The following STARD9 variants were observed in gnomAD, a reference collection of about 807,000 sequenced individuals.
STARD9 encodes StAR related lipid transfer domain containing 9.
A neutral mutation model predicts 399.8 loss-of-function variants in STARD9; 346 were observed. The ratio of observed to expected loss-of-function variants is 0.87; its 90% CI spans 0.79 to 0.95. The LOEUF is 0.95. STARD9 is among the 40% of genes least tolerant of loss of function. STARD9 has a pLI of 0.00. For missense variants in STARD9, 5,832 were observed against 5,667.5 expected (o/e 1.03, Z -0.93); for synonymous variants, 2,203 against 2,143.5 (o/e 1.03, Z -0.77).
Position 42,686,795 on chromosome 15 carries a change from G to A in STARD9, c.5217G>A (p.Leu1739=), listed in dbSNP as rs1394158780. The part of the protein sequence containing the change: ...SAPWNPLSSS[L]QPPLLETFYV... ...CCTGGAATCCATTGTCATCTTCCCT[G>A]CAGCCCCCACTCTTGGAAACATTCT... is the stretch of plus-strand genomic sequence containing the variant. Residue 1739 remains leucine, a synonymous_variant, in exon 23 of 33, where the codon CTG becomes CTA. Transcript: ENST00000290607. 3 of 1,537,194 alleles carry A rather than the reference G, an allele frequency of 2.0e-6. No individual in the cohort carries two copies. The highest frequency in any genetic ancestry group is 2.0e-5 in the Admixed American group (1 of 50,986).
chr15:42,586,108 AT>A (rs2058272598), intron 3 of STARD9, among the ~76,000 whole-genome samples: 1 of 152,238 alleles, frequency 6.6e-6, no homozygotes, highest in African/African-American at 2.4e-5. Context: ...GCTAGTGTCC[AT>A]TTAGGCTTGA....
intron 26 of STARD9, 49 bp downstream of exon 26, chr15:42,695,929 C>G: frequency 6.6e-7 from 1 of 1,514,886 alleles, no homozygotes; most frequent in Non-Finnish European, 8.8e-7. Flanking sequence ...ACTGCCAAGG[C>G]AAGAGTTTGA....
At position 42,685,052 on chromosome 15, in the gene STARD9, C is replaced by A; in HGVS notation, c.3474C>A (p.Ser1158Arg). 6.5e-7 allele frequency: 1 copy of A among 1,537,190 alleles called. No homozygotes were observed. Among genetic ancestry groups the A allele is most frequent in the Non-Finnish European group, 8.7e-7 (1 of 1,146,938 alleles). The change falls in exon 23 of 33, where the codon AGC (serine) becomes AGA (arginine). Residue 1158 changes from serine to arginine, a missense_variant. Physicochemically the swap from Ser to Arg is moderately radical, Grantham distance 110 (BLOSUM62 -1). This residue lies in a region of STARD9 where 5,828 missense variants were observed against 5,651.1 expected (regional missense o/e 1.03). Coordinates refer to ENST00000290607, the MANE Select transcript of STARD9 (RefSeq NM_020759.3). ...CACTGGCTGAGAAGAGGTACCAAAG[C>A]CCCAAAAACAGGCTAGGGGGCAATC... Reference protein sequence around the residue: ...EDSLAEKRYQSPKNRLGGNRP... With the variant: ...EDSLAEKRYQRPKNRLGGNRP...
chr15:42,633,183 T>G (rs1025573011), intron 3 of STARD9, among the ~76,000 whole-genome samples: 3 of 151,872 alleles, frequency 2.0e-5, no homozygotes, highest in African/African-American at 7.3e-5. Flanking sequence ...AGTCTTGAGT[T>G]AGCAGCTCCT....
intron 22 of STARD9, among the ~76,000 whole-genome samples, chr15:42,682,871 T>C (rs999375823): frequency 1.3e-5 from 2 of 152,220 alleles, no homozygotes; most frequent in Non-Finnish European, 2.9e-5. Context: ...TCCTTAGACC[T>C]GGGCTATCCA....
chr15:42,577,041 C>G (rs1023170255), intron 1 of STARD9, among the ~76,000 whole-genome samples: 1 of 152,144 alleles, frequency 6.6e-6, no homozygotes, highest in Admixed American at 6.6e-5. Context: ...GAGGTAGTCT[C>G]TGGTATATTC....
At chr15:42,656,784 G>A (rs1409446426) in intron 9 of STARD9, among the ~76,000 whole-genome samples, 1 of 152,048 alleles carries the variant, frequency 6.6e-6, no homozygotes, top group Non-Finnish European at 1.5e-5. Flanking sequence ...GGACACAAAG[G>A]CATAAGAATG....
At position 42,693,507 on chromosome 15, in the gene STARD9, C is replaced by A; in HGVS notation, c.11929C>A (p.Leu3977Ile). Residue 3977 changes from leucine to isoleucine, a missense_variant, in exon 23 of 33, where the codon CTT becomes ATT. By Grantham distance (5) the Leu-to-Ile change is conservative. This residue lies in a region of STARD9 where 5,828 missense variants were observed against 5,651.1 expected (regional missense o/e 1.03). Coordinates refer to ENST00000290607, the MANE Select transcript of STARD9 (RefSeq NM_020759.3). The stretch of plus-strand genomic sequence containing the variant: ...ACAAAGGAGTAATGGGAGATCCTTC[C>A]TTGAGTTGCACTCCCCACACAGCCC... ...SLQRSNGRSF[L>I]ELHSPHSPQQ... 1 of 1,537,254 alleles carries A rather than the reference C, an allele frequency of 6.5e-7. No homozygotes were observed. The highest frequency in any genetic ancestry group is 8.7e-7 in the Non-Finnish European group (1 of 1,146,916).
At chr15:42,646,253 C>G (rs1050378312) in intron 7 of STARD9, among the ~76,000 whole-genome samples, 2 of 152,234 alleles carry the variant, frequency 1.3e-5, no homozygotes, top group Admixed American at 1.3e-4. Flanking sequence ...ATCGGCCTGT[C>G]CTTTGAAGCT....
chr15:42,688,868 G>C lies in STARD9; in HGVS notation c.7290G>C (p.Leu2430=). ...CTGGTGTACCAGAGAGCATTCCTCT[G>C]GGGACAGAGGACAGGATCTCAGCAA... ...SQSGVPESIP[L]GTEDRISAST... Residue 2430 remains leucine, a synonymous_variant, in exon 23 of 33, where the codon CTG becomes CTC. Coordinates refer to ENST00000290607, the MANE Select transcript of STARD9 (RefSeq NM_020759.3). 1 of 1,537,268 alleles carries C rather than the reference G, an allele frequency of 6.5e-7. No individual in the cohort carries two copies. The highest frequency in any genetic ancestry group is 8.7e-7 in the Non-Finnish European group (1 of 1,146,908).
At chr15:42,584,655 G>C (rs994600715) in intron 2 of STARD9, among the ~76,000 whole-genome samples, 2 of 152,128 alleles carry the variant, frequency 1.3e-5, no homozygotes, top group Admixed American at 1.3e-4. Flanking sequence ...GTACCTGGAG[G>C]TCAGTGCAAG....
chr15:42,718,688 C>A (rs111681361), intron 31 of STARD9, 64 bp from the exon 32 acceptor site: 3 of 1,506,844 alleles, frequency 2.0e-6, no homozygotes, highest in South Asian at 1.2e-5. Flanking sequence ...ACTGTCTACA[C>A]GGGAGCCTGT....
chr15:42,617,911 T>C (rs1468098237), intron 3 of STARD9, among the ~76,000 whole-genome samples: 1 of 151,708 alleles, frequency 6.6e-6, no homozygotes, highest in African/African-American at 2.4e-5. Context: ...CAGCATGCAC[T>C]ATGACACTCT....
intron 3 of STARD9, among the ~76,000 whole-genome samples, chr15:42,613,920 C>A (rs1339672352): frequency 1.3e-5 from 2 of 151,620 alleles, no homozygotes; most frequent in Non-Finnish European, 2.9e-5. Flanking sequence ...AGCCGAGATC[C>A]TGCCACTGCA....
In STARD9 at chr15:42,637,936, T is replaced by C; in HGVS notation, c.381T>C (p.Cys127=). 1 of 1,537,028 alleles carries C rather than the reference T, an allele frequency of 6.5e-7. No homozygotes were observed. The highest frequency in any genetic ancestry group is 8.7e-7 in the Non-Finnish European group (1 of 1,146,728). The part of the protein sequence containing the change: ...PASVGLTPRI[C]EGLFVREKDC... The stretch of plus-strand genomic sequence containing the variant: ...CTGTTGGGTTGACACCACGGATATG[T>C]GAGGTATAGACTATCTTTTGGCTGG... The change falls in exon 5 of 33, where the codon TGT becomes TGC. Residue 127 remains cysteine (C), a synonymous_variant. Transcript: ENST00000290607.
intron 26 of STARD9, among the ~76,000 whole-genome samples, chr15:42,708,380 T>G (rs765798708): frequency 1.3e-5 from 2 of 152,354 alleles, no homozygotes; most frequent in South Asian, 2.1e-4. Flanking sequence ...TGCCCATTCA[T>G]GTACATGTCT....
chr15:42,649,155 G>C (rs1013786285), intron 7 of STARD9, among the ~76,000 whole-genome samples: 2 of 151,958 alleles, frequency 1.3e-5, no homozygotes, highest in Non-Finnish European at 1.5e-5. Context: ...TTAGCCTCCC[G>C]AGTAGCTGGG....
intron 1 of STARD9, among the ~76,000 whole-genome samples, chr15:42,583,013 G>T (rs2058205370): frequency 6.6e-6 from 1 of 152,216 alleles, no homozygotes; most frequent in South Asian, 2.1e-4. Flanking sequence ...TCCTCTGCCT[G>T]TAAAAATGAT....
At chr15:42,683,373 G>C (rs991558323) in intron 22 of STARD9, among the ~76,000 whole-genome samples, 13 of 152,138 alleles carry the variant, frequency 8.5e-5, no homozygotes, top group African/African-American at 2.9e-4. Context: ...TTACACACTT[G>C]CCTACCTTCC....
Sources: gnomAD v4.1 joint callset for allele counts (sites outside exome capture counted in the v4.1 genomes callset) on GRCh38, gnomAD v4.1.1 for gene constraint, gnomAD v4.1.1 regional missense constraint, MANE v1.5 for transcripts, NCBI Gene and HGNC (gene_info 2026-07-23, HGNC 2026-07-21) for gene names.